The following LRFN5 variants were observed in gnomAD, a reference collection of about 807,000 sequenced individuals.
The protein encoded by LRFN5 is leucine-rich repeat and fibronectin type-III domain-containing protein 5.
LRFN5 carries 24 observed loss-of-function variants against 45.6 expected under a neutral mutation model. The observed-to-expected ratio is 0.53, with a 90% confidence interval of 0.38 to 0.74. The LOEUF is 0.74. Among genes scored for constraint, LRFN5 ranks in the 30% least tolerant of loss-of-function variants. The pLI is 0.00. For synonymous variants in LRFN5, 340 were observed against 313.8 expected (o/e 1.08, Z -0.88); for missense variants, 776 against 861.5 (o/e 0.90, Z 1.24).
At chr14:41,678,108 A>G (rs2138678732) in intron 1 of LRFN5, among the ~76,000 whole-genome samples, 1 of 152,232 alleles carries the variant, frequency 6.6e-6, no homozygotes, top group African/African-American at 2.4e-5. Flanking sequence ...GAAAAGCTAT[A>G]TCATGCAAAC....
intron 1 of LRFN5, among the ~76,000 whole-genome samples, chr14:41,717,470 C>T (rs1883539395): frequency 6.6e-6 from 1 of 152,160 alleles, no homozygotes; most frequent in South Asian, 2.1e-4. Context: ...GGTGAAGCAC[C>T]AGCCTTAGAG....
chr14:41,835,192 G>GA (rs929913957), intron 2 of LRFN5, among the ~76,000 whole-genome samples: 5 of 151,928 alleles, frequency 3.3e-5, no homozygotes, highest in African/African-American at 9.7e-5. Flanking sequence ...GTCCTGCTTA[G>GA]AAAAAAAAGA....
At chr14:41,903,382 T>C (rs1478273511) in intron 5 of LRFN5, among the ~76,000 whole-genome samples, 1 of 151,386 alleles carries the variant, frequency 6.6e-6, no homozygotes, top group Non-Finnish European at 1.5e-5. Flanking sequence ...GATGCAGTTG[T>C]TTTTTAATGG....
intron 2 of LRFN5, among the ~76,000 whole-genome samples, chr14:41,866,859 T>C (rs1250647569): frequency 6.6e-6 from 1 of 152,174 alleles, no homozygotes; most frequent in African/African-American, 2.4e-5. Flanking sequence ...ATATCAGTGT[T>C]GTCTCCCACA....
chr14:41,702,724 C>CA (rs1184366730), intron 1 of LRFN5, among the ~76,000 whole-genome samples: 3 of 151,662 alleles, frequency 2.0e-5, no homozygotes, highest in Admixed American at 6.6e-5. Context: ...TTGGGCCTCT[C>CA]AAAGCTCTGG....
intron 1 of LRFN5, among the ~76,000 whole-genome samples, chr14:41,766,082 AAGTTAT>A (rs1237561789): frequency 2.0e-5 from 3 of 152,150 alleles, no homozygotes; most frequent in Non-Finnish European, 4.4e-5. Flanking sequence ...CAGACAAAAT[AAGTTAT>A]AGTTAAAGTA....
intron 2 of LRFN5, among the ~76,000 whole-genome samples, chr14:41,808,197 GGGAAGGAA>G (rs141262386): frequency 0.28 from 28,293 of 100,904 alleles, 3,463 homozygotes; most frequent in Admixed American, 0.33. Flanking sequence ...AGGAAGTAGA[GGGAAGGAA>G]GGAAGGAAGG....
At chr14:41,722,185 A>T (rs1883745551) in intron 1 of LRFN5, among the ~76,000 whole-genome samples, 1 of 151,822 alleles carries the variant, frequency 6.6e-6, no homozygotes, top group African/African-American at 2.4e-5. Context: ...TTATATTTTG[A>T]AATTCCTTAA....
At chr14:41,732,933 G>GA (rs1354403950) in intron 1 of LRFN5, among the ~76,000 whole-genome samples, 1 of 137,416 alleles carries the variant, frequency 7.3e-6, no homozygotes, top group Non-Finnish European at 1.6e-5. Context: ...AAAAGTACCA[G>GA]AAAAGAAAAG....
At chr14:41,851,692 A>G (rs990648627) in intron 2 of LRFN5, among the ~76,000 whole-genome samples, 2 of 151,854 alleles carry the variant, frequency 1.3e-5, no homozygotes, top group Non-Finnish European at 2.9e-5. Flanking sequence ...TAATTTTCAT[A>G]AACAGGTTGG....
intron 2 of LRFN5, among the ~76,000 whole-genome samples, chr14:41,842,012 T>C (rs11625136): frequency 6.6e-6 from 1 of 151,816 alleles, no homozygotes. Flanking sequence ...TGTGTAAATA[T>C]GTGCTATAGT....
intron 4 of LRFN5, 71 bp downstream of exon 4, chr14:41,892,033 G>A: frequency 6.4e-7 from 1 of 1,551,068 alleles, no homozygotes; most frequent in South Asian, 1.2e-5. Flanking sequence ...GAGAATTAAA[G>A]GAATACTATT....
intron 2 of LRFN5, among the ~76,000 whole-genome samples, chr14:41,841,299 T>C (rs1315619513): frequency 6.6e-6 from 1 of 151,972 alleles, no homozygotes; most frequent in Non-Finnish European, 1.5e-5. Context: ...AGAATTATAC[T>C]TCATGTAAGA....
chr14:41,626,204 A>C (rs564120411), intron 1 of LRFN5, among the ~76,000 whole-genome samples: 1 of 152,236 alleles, frequency 6.6e-6, no homozygotes, highest in Admixed American at 6.6e-5. Flanking sequence ...GATTATTATT[A>C]TAGGTCAAAT....
rs1257053753 is a variant in LRFN5, at chr14:41,728,107, G to A, written c.-196-38747G>A. 2.0e-5 allele frequency among the ~76,000 whole-genome samples: 3 copies of A among 152,056 alleles called. No individual in the cohort carries two copies. In the East Asian group the frequency reaches 5.8e-4, roughly 29 times the overall value. On this transcript the variant is annotated intron_variant, in intron 1 of 5. Transcript: ENST00000298119. ...GATTTTGGCAATATCACTCCTGTTG[G>A]GGGTGGTTTCCAAAATCTAAAGGGC...
chr14:41,887,866 C>A lies in LRFN5; in HGVS notation c.1241C>A (p.Thr414Asn). Reference sequence around the variant, plus strand: ...AATACAAGCAGTAGTAATGGTGATACTAAATTGAGTCAAGATAAAATTGTG... The same window carrying A: ...AATACAAGCAGTAGTAATGGTGATAATAAATTGAGTCAAGATAAAATTGTG... ...GSNTSSSNGD[T>N]KLSQDKIVVA... Residue 414 changes from threonine (T) to asparagine (N), a missense_variant, in exon 3 of 6, where the codon ACT becomes AAT. This residue lies in a region of LRFN5 where 465 missense variants were observed against 456.4 expected (regional missense o/e 1.02). Transcript: ENST00000298119. The surrounding 1 kb of genome is among the most constrained non-coding windows in gnomAD (Gnocchi z 4.8). 16 of 1,614,064 alleles carry A rather than the reference C, an allele frequency of 9.9e-6. No individual in the cohort carries two copies. Among genetic ancestry groups the A allele is most frequent in the Non-Finnish European group, 1.4e-5 (16 of 1,180,010 alleles).
chr14:41,719,802 A>G (rs1376797202), intron 1 of LRFN5, among the ~76,000 whole-genome samples: 1 of 151,954 alleles, frequency 6.6e-6, no homozygotes, highest in Admixed American at 6.6e-5. Flanking sequence ...CCCTTTGGAT[A>G]TATACCCAGT....
At chr14:41,724,128 A>G (rs1209910970) in intron 1 of LRFN5, among the ~76,000 whole-genome samples, 1 of 152,146 alleles carries the variant, frequency 6.6e-6, no homozygotes, top group Non-Finnish European at 1.5e-5. Flanking sequence ...AAATGCTGTC[A>G]TGGGGTCTGT....
At chr14:41,640,624 T>C (rs1172729614) in intron 1 of LRFN5, among the ~76,000 whole-genome samples, 5 of 152,142 alleles carry the variant, frequency 3.3e-5, no homozygotes, top group Admixed American at 6.6e-5. Flanking sequence ...AAGTAGGTCA[T>C]TTCATTCTTA....
Sources: allele counts gnomAD v4.1 joint callset (sites outside exome capture counted in the v4.1 genomes callset), GRCh38; gene constraint gnomAD v4.1.1; regional missense constraint gnomAD v4.1.1; non-coding constraint Gnocchi (gnomAD v3.1); transcripts MANE v1.5; gene names NCBI Gene and HGNC (gene_info 2026-07-23, HGNC 2026-07-21).